Variants in MICU3 observed in about 807,000 individuals in gnomAD.
MICU3 encodes the protein calcium uptake protein 3, mitochondrial.
In MICU3, 62 loss-of-function variants were observed where a neutral mutation model predicts 66.5. The observed-to-expected ratio is 0.93, with a 90% CI of 0.76 to 1.15. The LOEUF (loss-of-function observed/expected upper bound fraction) is 1.15, where lower values mean the gene tolerates loss of function less well. MICU3 is among the 50% of genes most tolerant of loss of function. The pLI is 0.00. For synonymous variants in MICU3, 308 were observed against 240.7 expected (o/e 1.28, Z -2.59); for missense variants, 779 against 664.4 (o/e 1.17, Z -1.90).
chr8:17,036,519 CA>C, intron 1 of MICU3, among the ~76,000 whole-genome samples: 1 of 152,234 alleles, frequency 6.6e-6, no homozygotes, highest in South Asian at 2.1e-4. Context: ...GGTGCGTTTA[CA>C]ATCCCTGAGC....
At chr8:17,135,560 C>T in the MICU3 span, among the ~76,000 whole-genome samples, 1 of 152,046 alleles carries the variant, frequency 6.6e-6, no homozygotes, top group Non-Finnish European at 1.5e-5. Flanking sequence ...AGTCATATTA[C>T]ATGCAAACTA....
chr8:17,130,238 A>G, the MICU3 span, among the ~76,000 whole-genome samples: 2 of 152,190 alleles, frequency 1.3e-5, no homozygotes, highest in African/African-American at 2.4e-5. Context: ...TAAAAAGGCA[A>G]TTGAGACTAG....
intron 2 of MICU3, among the ~76,000 whole-genome samples, chr8:17,065,957 A>T (rs1237489731): frequency 1.3e-5 from 2 of 152,200 alleles, no homozygotes; most frequent in Non-Finnish European, 2.9e-5. Flanking sequence ...AAAGAAATGT[A>T]AACTACATAA....
At chr8:17,126,190 A>G (rs891067917), downstream of MICU3, among the ~76,000 whole-genome samples, 15 of 152,180 alleles carry the variant, frequency 9.9e-5, no homozygotes, top group Admixed American at 7.2e-4. Flanking sequence ...TTCTTATAGT[A>G]CAACCTTGAG....
chr8:17,117,209 C>T (rs1802765811), intron 13 of MICU3, among the ~76,000 whole-genome samples: 1 of 151,964 alleles, frequency 6.6e-6, no homozygotes, highest in Non-Finnish European at 1.5e-5. Context: ...AACTCCTGGG[C>T]TCAAGCAGTC....
chr8:17,077,685 T>G (rs1820582987), intron 3 of MICU3, 98 bp from the exon 4 acceptor site: 1 of 795,346 alleles, frequency 1.3e-6, no homozygotes, highest in East Asian at 2.7e-5. Flanking sequence ...TTCAGGTCTT[T>G]TAAGTGGAGA....
chr8:17,049,942 ATCT>A (rs1259923088), intron 1 of MICU3, among the ~76,000 whole-genome samples: 1 of 151,912 alleles, frequency 6.6e-6, no homozygotes, highest in Non-Finnish European at 1.5e-5. Context: ...CCTAGTGTGT[ATCT>A]TGTGACTGTT....
At chr8:17,065,231 T>C (rs1818501023) in intron 2 of MICU3, among the ~76,000 whole-genome samples, 1 of 152,142 alleles carries the variant, frequency 6.6e-6, no homozygotes, top group Admixed American at 6.6e-5. Context: ...ATTATAGCCA[T>C]TTTTTCCTCC....
At chr8:17,097,233 G>T (rs1172376570) in intron 8 of MICU3, among the ~76,000 whole-genome samples, 1 of 151,456 alleles carries the variant, frequency 6.6e-6, no homozygotes, top group African/African-American at 2.4e-5. Flanking sequence ...ATTTATTGAG[G>T]TTATTCCATA....
intron 8 of MICU3, among the ~76,000 whole-genome samples, chr8:17,091,107 ATATGT>A (rs375829259): frequency 1.3e-4 from 19 of 151,926 alleles, no homozygotes; most frequent in African/African-American, 3.9e-4. Flanking sequence ...CTGCTACTTG[ATATGT>A]TATATCAGTT....
intron 11 of MICU3, among the ~76,000 whole-genome samples, chr8:17,110,649 G>A (rs192068387): frequency 1.7e-4 from 26 of 151,976 alleles, no homozygotes; most frequent in Non-Finnish European, 1.9e-4. Flanking sequence ...CTGTAGCCCC[G>A]AACTCCTTGG....
At chr8:17,135,289 T>C in the MICU3 span, among the ~76,000 whole-genome samples, 1 of 151,910 alleles carries the variant, frequency 6.6e-6, no homozygotes, top group East Asian at 1.9e-4. Context: ...GTCCCGCTAC[T>C]CGGGAGGCTG....
chr8:17,041,153 T>C (rs1421865934), intron 1 of MICU3, among the ~76,000 whole-genome samples: 1 of 151,850 alleles, frequency 6.6e-6, no homozygotes, highest in Admixed American at 6.6e-5. Context: ...TTGTTCAGAA[T>C]ATGTAGAATG....
intron 1 of MICU3, among the ~76,000 whole-genome samples, chr8:17,051,222 G>GT (rs1386943349): frequency 6.6e-6 from 1 of 151,594 alleles, no homozygotes; most frequent in African/African-American, 2.4e-5. Flanking sequence ...TTAATATTAT[G>GT]TTTTAATTTT....
chr8:17,071,214 T>G (rs549626835), intron 3 of MICU3, among the ~76,000 whole-genome samples: 2 of 152,274 alleles, frequency 1.3e-5, no homozygotes, highest in African/African-American at 4.8e-5. Context: ...TATAGTATAC[T>G]AGGGCTGCTA....
intron 1 of MICU3, among the ~76,000 whole-genome samples, chr8:17,053,077 A>G (rs1816366616): frequency 6.6e-6 from 1 of 152,174 alleles, no homozygotes; most frequent in South Asian, 2.1e-4. Flanking sequence ...AATGTGTCTT[A>G]AAGAAACTAA....
rs1803159701 is a variant in MICU3 at position 17,121,047 on chromosome 8, A to G, written c.*760A>G. The G allele has an allele frequency of 1.3e-5, 2 of 151,954 alleles. No homozygotes were observed. Among genetic ancestry groups the G allele is most frequent in the African/African-American group, 4.8e-5 (2 of 41,438 alleles). 9.4% of individuals were successfully genotyped at this position (151,954 alleles called of 1,614,324 possible). On this transcript the variant is annotated 3_prime_UTR_variant, in exon 15 of 15. Coordinates refer to ENST00000318063, the MANE Select transcript of MICU3 (RefSeq NM_181723.3). ...ATGTGTTGATAGTAGAAGCAGTGGT[A>G]GTTGTTGTAACAGTAATCATTGTCA...
chr8:17,082,083 T>C (rs1428483043), intron 5 of MICU3: 2 of 179,712 alleles, frequency 1.1e-5, no homozygotes, highest in African/African-American at 2.4e-5. Context: ...GCCAGACTGA[T>C]GTGAGAGAGA....
rs568934346 is a variant in MICU3, at chr8:17,069,539, C to G, written c.536-149C>G. On this transcript the variant is annotated intron_variant, in intron 2 of 14. Coordinates refer to ENST00000318063, the MANE Select transcript of MICU3 (RefSeq NM_181723.3). ...ATAGATAACATATATAAGATCATATCACAGATCCAAATTTTGAGGTTAAAA... is the reference window on the plus strand; with the variant it reads ...ATAGATAACATATATAAGATCATATGACAGATCCAAATTTTGAGGTTAAAA... 3.0e-5 allele frequency: 12 copies of G among 399,566 alleles called. No homozygotes were observed. The South Asian group carries it at 4.4e-4, about 15-fold the overall frequency. The allele number at this position is 399,566 out of a possible 1,614,324, so 24.8% of individuals were successfully genotyped here.
Sources: gnomAD v4.1 joint callset for allele counts (sites outside exome capture counted in the v4.1 genomes callset) on GRCh38, gnomAD v4.1.1 for gene constraint, MANE v1.5 for transcripts, NCBI Gene and HGNC (gene_info 2026-07-23, HGNC 2026-07-21) for gene names.